NLGN4Y: variants seen among roughly 807,000 people sequenced by gnomAD.
The protein encoded by NLGN4Y is neuroligin 4 Y-linked.
A neutral mutation model predicts 8.4 loss-of-function variants in NLGN4Y; 4 were observed. That is an observed-to-expected ratio of 0.48 (90% CI 0.23 to 1.09). The LOEUF is 1.09. Ranked by LOEUF, NLGN4Y falls within the 50% of genes least tolerant of loss-of-function variation. The pLI is 0.19. For synonymous variants in NLGN4Y, 35 were observed against 75.6 expected (o/e 0.46, Z 2.78); for missense variants, 90 against 192.3 (o/e 0.47, Z 3.15).
At chrY:14,652,896 T>C in intron 2 of NLGN4Y, among the ~76,000 whole-genome samples, 2 of 33,224 alleles carry the variant, frequency 6.0e-5, no homozygotes, top group Non-Finnish European at 1.5e-4. Context: ...GACATTTGAA[T>C]GATCCTTGGT....
chrY:14,790,475 A>G (rs1049532533), intron 4 of NLGN4Y, among the ~76,000 whole-genome samples: 3 of 33,113 alleles, frequency 9.1e-5, no homozygotes, highest in Admixed American at 2.8e-4. Flanking sequence ...ATTTTTCACC[A>G]TATCTCTATT....
intron 4 of NLGN4Y, among the ~76,000 whole-genome samples, chrY:14,789,725 C>T: frequency 5.9e-5 from 2 of 33,711 alleles, no homozygotes; most frequent in African/African-American, 1.2e-4. Context: ...TTTATCCCTT[C>T]ACCTTGTGCA....
At chrY:14,708,468 A>AG (rs2080889221) in intron 2 of NLGN4Y, among the ~76,000 whole-genome samples, 1 of 33,897 alleles carries the variant, frequency 3.0e-5, no homozygotes, top group African/African-American at 1.1e-4. Flanking sequence ...CTAGCCATTT[A>AG]GCAAAGAGAC....
chrY:14,816,243 G>T (rs893425117), intron 4 of NLGN4Y, among the ~76,000 whole-genome samples: 1 of 33,819 alleles, frequency 3.0e-5, no homozygotes, highest in African/African-American at 1.2e-4. Context: ...GGGAATACTG[G>T]GGCTTAATCT....
chrY:14,545,535 T>A (rs2080169005), intron 1 of NLGN4Y, among the ~76,000 whole-genome samples: 1 of 34,016 alleles, frequency 2.9e-5, no homozygotes, highest in Admixed American at 2.7e-4. Context: ...TGGCCAGTGA[T>A]GATGAGCATT....
At chrY:14,739,139 G>C (rs757088038) in intron 4 of NLGN4Y, among the ~76,000 whole-genome samples, 131 of 32,231 alleles carry the variant, frequency 4.1e-3, no homozygotes, top group Non-Finnish European at 7.1e-3. Context: ...ATCTTGCTGC[G>C]TTGCCCACTC....
intron 2 of NLGN4Y, among the ~76,000 whole-genome samples, chrY:14,709,043 T>C: frequency 3.0e-5 from 1 of 33,242 alleles, no homozygotes; most frequent in Non-Finnish European, 7.4e-5. Flanking sequence ...TGCATGTAGA[T>C]ATGTTCAAGT....
At chrY:14,589,316 G>A (rs2080354655) in intron 1 of NLGN4Y, among the ~76,000 whole-genome samples, 2 of 33,478 alleles carry the variant, frequency 6.0e-5, no homozygotes, top group Admixed American at 5.4e-4. Flanking sequence ...GCTAGATACA[G>A]AGTGTCGATT....
At chrY:14,592,631 A>C in intron 1 of NLGN4Y, among the ~76,000 whole-genome samples, 1 of 32,414 alleles carries the variant, frequency 3.1e-5, no homozygotes, top group Admixed American at 2.8e-4. Flanking sequence ...ATTATAGAGT[A>C]TGGTCCTTCC....
chrY:14,820,537 A>G (rs926550499), intron 4 of NLGN4Y, among the ~76,000 whole-genome samples: 1 of 32,934 alleles, frequency 3.0e-5, no homozygotes, highest in Non-Finnish European at 7.5e-5. Flanking sequence ...ATTCCAGATC[A>G]TCCCCCTCCC....
intron 4 of NLGN4Y, among the ~76,000 whole-genome samples, chrY:14,795,020 G>A: frequency 9.1e-5 from 3 of 33,140 alleles, no homozygotes; most frequent in Non-Finnish European, 7.5e-5. Context: ...CACTACAGGC[G>A]TTCACTACCA....
In NLGN4Y at chrY:14,837,343, T is replaced by C. The variant is rs771834211; in HGVS notation, c.1662-3070T>C. On this transcript the variant is annotated intron_variant, in intron 6 of 6. Coordinates refer to ENST00000684976, the MANE Select transcript of NLGN4Y (RefSeq NM_001365588.1). The stretch of plus-strand genomic sequence containing the variant: ...TTTTTAGAGAGATCATAGTACTATA[T>C]CCATCTCTAGCTAAAGAAATGAACA... Among the ~76,000 whole-genome samples the C allele has an allele frequency of 3.3e-4, 11 of 33,454 alleles. No individual in the cohort carries two copies. The South Asian group carries it at 7.3e-3, about 22-fold the overall frequency. The allele number at this position is 33,454 out of a possible 37,273, so 89.8% of individuals were successfully genotyped here.
chrY:14,670,990 T>G, intron 2 of NLGN4Y, among the ~76,000 whole-genome samples: 1 of 33,545 alleles, frequency 3.0e-5, no homozygotes, highest in Non-Finnish European at 7.4e-5. Flanking sequence ...TATGTTACTG[T>G]GCCCTTACAG....
intron 1 of NLGN4Y, among the ~76,000 whole-genome samples, chrY:14,581,406 G>T (rs748299538): frequency 3.1e-5 from 1 of 32,742 alleles, no homozygotes; most frequent in South Asian, 6.9e-4. Flanking sequence ...AATTGAAGAG[G>T]CAGTACAAAG....
chrY:14,713,873 A>T (rs2080907021), intron 2 of NLGN4Y, among the ~76,000 whole-genome samples: 1 of 34,224 alleles, frequency 2.9e-5, no homozygotes, highest in African/African-American at 1.1e-4. Flanking sequence ...AAAATGCTGG[A>T]ATATTCTTCA....
intron 2 of NLGN4Y, among the ~76,000 whole-genome samples, chrY:14,703,813 T>C: frequency 3.0e-5 from 1 of 33,238 alleles, no homozygotes; most frequent in Non-Finnish European, 7.4e-5. Flanking sequence ...TGTTCTTCCA[T>C]TTGTTTGTAT....
At chrY:14,812,874 T>C in intron 4 of NLGN4Y, among the ~76,000 whole-genome samples, 2 of 32,989 alleles carry the variant, frequency 6.1e-5, no homozygotes, top group Non-Finnish European at 1.5e-4. Context: ...AAGATCACTC[T>C]TTATTTGCAC....
intron 1 of NLGN4Y, among the ~76,000 whole-genome samples, chrY:14,615,578 T>A (rs1307557310): frequency 7.1e-4 from 24 of 33,694 alleles, no homozygotes; most frequent in Non-Finnish European, 2.2e-4. Flanking sequence ...TCTTATTATC[T>A]TGAGATATGT....
Position 14,796,721 on chromosome Y carries a change from G to C in NLGN4Y, c.686-27467G>C, listed in dbSNP as rs377492239. ...GAAATCTAAAGAAGTCAAACTCACA[G>C]AAACAGAGAGTAGACTTGTAGTTGC... is the stretch of plus-strand genomic sequence containing the variant. On this transcript the variant is annotated intron_variant, in intron 4 of 6. Transcript: ENST00000684976. Among the ~76,000 whole-genome samples, 146 of 32,925 alleles carry C rather than the reference G, an allele frequency of 4.4e-3. No individual in the cohort carries two copies. The East Asian group carries it at 0.097, about 22-fold the overall frequency. The allele number at this position is 32,925 out of a possible 37,273, so 88.3% of individuals were successfully genotyped here.
Sources: gnomAD v4.1 joint callset for allele counts (sites outside exome capture counted in the v4.1 genomes callset) on GRCh38, gnomAD v4.1.1 for gene constraint, MANE v1.5 for transcripts, NCBI Gene and HGNC (gene_info 2026-07-23, HGNC 2026-07-21) for gene names.